EDEM3: variants seen among roughly 807,000 people sequenced by gnomAD.
EDEM3 encodes ER degradation-enhancing alpha-mannosidase-like protein 3.
A neutral mutation model predicts 110.2 loss-of-function variants in EDEM3; 60 were observed. The ratio of observed to expected loss-of-function variants is 0.54; its 90% CI spans 0.44 to 0.67. The LOEUF is 0.67. Ranked by LOEUF, EDEM3 falls within the 30% of genes least tolerant of loss-of-function variation. The pLI, the probability that EDEM3 is intolerant of heterozygous loss-of-function variation, is 0.00. For synonymous variants in EDEM3, 352 were observed against 382.9 expected, an observed-to-expected ratio of 0.92 and a Z score of 0.94; for missense variants, 996 against 1,121.0, an observed-to-expected ratio of 0.89 and a Z score of 1.59.
At chr1:184,722,105 T>G (rs1243428996) in intron 8 of EDEM3, among the ~76,000 whole-genome samples, 1 of 152,028 alleles carries the variant, frequency 6.6e-6, no homozygotes, top group African/African-American at 2.4e-5. Context: ...GCCTTCTCTG[T>G]TTATGTGTAT....
intron 16 of EDEM3, 46 bp from the exon 17 acceptor site, chr1:184,708,390 CCA>C (rs1212916252): frequency 1.3e-6 from 2 of 1,597,742 alleles, no homozygotes; most frequent in Admixed American, 1.8e-5. Flanking sequence ...CTGGAAACTT[CCA>C]CCAATTTTTT....
chr1:184,710,957 A>G (rs1320586701), intron 15 of EDEM3, among the ~76,000 whole-genome samples: 1 of 152,212 alleles, frequency 6.6e-6, no homozygotes, highest in Non-Finnish European at 1.5e-5. Flanking sequence ...AGTCCTTGCA[A>G]TGGCCTAATA....
At chr1:184,703,798 G>A (rs1446123280) in intron 18 of EDEM3, among the ~76,000 whole-genome samples, 1 of 152,176 alleles carries the variant, frequency 6.6e-6, no homozygotes, top group Non-Finnish European at 1.5e-5. Flanking sequence ...ACCTGACCCT[G>A]AGTCTCTCTG....
intron 13 of EDEM3, among the ~76,000 whole-genome samples, chr1:184,714,042 G>A (rs531900076): frequency 1.3e-5 from 2 of 152,278 alleles, no homozygotes; most frequent in East Asian, 3.9e-4. Flanking sequence ...ACACTTTCCT[G>A]TTTATCTGCA....
chr1:184,709,430 T>A (rs1182171097), intron 16 of EDEM3, among the ~76,000 whole-genome samples: 1 of 152,168 alleles, frequency 6.6e-6, no homozygotes, highest in Non-Finnish European at 1.5e-5. Flanking sequence ...TGGAAACTGT[T>A]TACATTGAGT....
Position 184,694,065 on chromosome 1 carries a change from A to G in EDEM3, c.2797T>C (p.Ter933ArgextTer30). 6.2e-7 allele frequency: 1 copy of G among 1,611,022 alleles called. No homozygotes were observed. The highest frequency in any genetic ancestry group is 8.5e-7 in the Non-Finnish European group (1 of 1,178,326). ...AFEMMEKDEL[*>R] ...CTACCAACAGATTGTTTAGCAAGTC[A>G]TAGCTCATCCTTCTCCATCATTTCA... Residue 933 changes from the stop codon to arginine (R), a stop_lost, in exon 20 of 20, where the codon TGA becomes CGA. Coordinates refer to ENST00000318130, the MANE Select transcript of EDEM3 (RefSeq NM_025191.4).
chr1:184,737,954 C>T (rs1651927883), intron 2 of EDEM3, among the ~76,000 whole-genome samples: 1 of 152,142 alleles, frequency 6.6e-6, no homozygotes, highest in Non-Finnish European at 1.5e-5. Flanking sequence ...CCTCCCCAAT[C>T]TCACTTCCTA....
chr1:184,710,919 A>C (rs187307820), intron 15 of EDEM3, among the ~76,000 whole-genome samples: 1 of 152,334 alleles, frequency 6.6e-6, no homozygotes, highest in East Asian at 1.9e-4. Flanking sequence ...AGTGAATAAT[A>C]ACACTTATGT....
intron 2 of EDEM3, among the ~76,000 whole-genome samples, chr1:184,744,461 T>A (rs1190930300): frequency 6.6e-6 from 1 of 151,624 alleles, no homozygotes; most frequent in Admixed American, 6.6e-5. Context: ...CATACACTGC[T>A]GGTGGGAAAT....
chr1:184,715,107 C>T (rs1240072152), intron 13 of EDEM3, among the ~76,000 whole-genome samples: 2 of 152,114 alleles, frequency 1.3e-5, no homozygotes, highest in Non-Finnish European at 2.9e-5. Flanking sequence ...ACATTAGTGA[C>T]CCTTTGCCTG....
In EDEM3 at chr1:184,732,824, C is replaced by G. The variant is rs1269703017; in HGVS notation, c.612+13G>C. ...AAAGTATATAAAGACTCATATTTTT[C>G]AGAAGTACTTACTCTTGGATAAGGA... On this transcript the variant is annotated intron_variant, in intron 6 of 19. Transcript: ENST00000318130. 1 of 1,604,714 alleles carries G rather than the reference C, an allele frequency of 6.2e-7. No individual in the cohort carries two copies. The highest frequency in any genetic ancestry group is 8.5e-7 in the Non-Finnish European group (1 of 1,175,976).
intron 2 of EDEM3, among the ~76,000 whole-genome samples, chr1:184,745,146 T>C (rs1028065481): frequency 6.6e-6 from 1 of 152,090 alleles, no homozygotes; most frequent in African/African-American, 2.4e-5. Context: ...ATGAATTAGC[T>C]GAACGATCTG....
Position 184,693,868 on chromosome 1 carries a change from G to C in EDEM3, c.*195C>G, listed in dbSNP as rs1428717258. 3 of 554,940 alleles carry C rather than the reference G, an allele frequency of 5.4e-6. No homozygotes were observed. The highest frequency in any genetic ancestry group is 3.8e-5 in the African/African-American group (2 of 53,306). 34.4% of individuals were successfully genotyped at this position (554,940 alleles called of 1,614,324 possible). On this transcript the variant is annotated 3_prime_UTR_variant, in exon 20 of 20. Coordinates refer to ENST00000318130, the MANE Select transcript of EDEM3 (RefSeq NM_025191.4). The stretch of plus-strand genomic sequence containing the variant: ...GAACTGTGGATTTCCATTTTTGATG[G>C]GACAGTTTTAAACAAGGTCAATTCT...
Position 184,737,607 on chromosome 1 carries a change from T to A in EDEM3, c.305+4A>T. The A allele has an allele frequency of 6.2e-7, 1 of 1,613,782 alleles. No homozygotes were observed. Among genetic ancestry groups the A allele is most frequent in the Middle Eastern group, 1.7e-4 (1 of 6,060 alleles). ...GCCATGCCATGCCCTGTGTTAATAC[T>A]CACTTTCCCAAGGCATCATCAACGT... On this transcript the variant is annotated splice_donor_region_variant and intron_variant, in intron 3 of 19. Transcript: ENST00000318130.
At chr1:184,709,720 T>C (rs1650122944) in intron 16 of EDEM3, among the ~76,000 whole-genome samples, 5 of 152,090 alleles carry the variant, frequency 3.3e-5, no homozygotes, top group Admixed American at 3.3e-4. Flanking sequence ...GAAGGAAGGA[T>C]GTGGCAAGAA....
intron 6 of EDEM3, among the ~76,000 whole-genome samples, chr1:184,730,715 T>C (rs755943931): frequency 2.0e-5 from 3 of 152,180 alleles, no homozygotes; most frequent in Non-Finnish European, 4.4e-5. Context: ...ACTCACTAAA[T>C]TGATAGGTAA....
At chr1:184,725,361 T>C (rs1651131542) in intron 7 of EDEM3, among the ~76,000 whole-genome samples, 1 of 152,128 alleles carries the variant, frequency 6.6e-6, no homozygotes, top group South Asian at 2.1e-4. Flanking sequence ...ACTGCATCAA[T>C]ATCTGAGAGT....
chr1:184,737,304 T>C lies in EDEM3; in HGVS notation c.306-240A>G, dbSNP rs570862937. The stretch of plus-strand genomic sequence containing the variant: ...AACATTCACTAGCTCTGAAAACAAA[T>C]GAAAATATTAAAACATCAACAGTCC... On this transcript the variant is annotated intron_variant, in intron 3 of 19. Transcript: ENST00000318130. Among the ~76,000 whole-genome samples, 5 of 152,288 alleles carry C rather than the reference T, an allele frequency of 3.3e-5. 1 individual carries two copies. In the East Asian group the frequency reaches 9.6e-4, roughly 29 times the overall value.
chr1:184,751,753 G>A lies in EDEM3; in HGVS notation c.159-2161C>T, dbSNP rs541383704. Among the ~76,000 whole-genome samples, 32 of 152,236 alleles carry A rather than the reference G, an allele frequency of 2.1e-4. 1 individual carries two copies. The South Asian group carries it at 6.0e-3, about 29-fold the overall frequency. On this transcript the variant is annotated intron_variant, in intron 1 of 19. Transcript: ENST00000318130. ...CACTCTTCAGTAATTTCTGTAAGTC[G>A]GCTTTTTCTCTTTTTTTGAGACAGA...
Sources: gnomAD v4.1 joint callset for allele counts (sites outside exome capture counted in the v4.1 genomes callset) on GRCh38, gnomAD v4.1.1 for gene constraint, MANE v1.5 for transcripts, NCBI Gene and HGNC (gene_info 2026-07-23, HGNC 2026-07-21) for gene names.